Variants in SYTL3 observed in about 807,000 individuals in gnomAD.
SYTL3 encodes synaptotagmin-like protein 3.
Under a neutral mutation model 82.1 loss-of-function variants are expected in SYTL3, and 88 were observed. The observed-to-expected ratio is 1.07, with a 90% CI of 0.90 to 1.28. The LOEUF is 1.28. SYTL3 is among the 50% of genes most tolerant of loss of function. The pLI, the probability that SYTL3 is intolerant of heterozygous loss-of-function variation, is 0.00. For synonymous variants in SYTL3, 311 were observed against 289.4 expected (o/e 1.07, Z -0.76); for missense variants, 831 against 757.6 (o/e 1.10, Z -1.14).
Position 158,663,280 on chromosome 6 carries a change from A to G in SYTL3, c.12A>G (p.Glu4=), listed in dbSNP as rs781779174. 2 of 1,614,158 alleles carry G rather than the reference A, an allele frequency of 1.2e-6. No individual in the cohort carries two copies. Among genetic ancestry groups the G allele is most frequent in the Admixed American group, 1.7e-5 (1 of 60,032 alleles). The change falls in exon 4 of 18, where the codon GAA becomes GAG. Residue 4 remains glutamate (E), a synonymous_variant. Coordinates refer to ENST00000611299, the MANE Select transcript of SYTL3 (RefSeq NM_001242394.2). ...AAAACGGAGAAGAAATGGCCCAAGA[A>G]ATAGATCTGAGTGCTCTCAAGGAGT... MAQ[E]IDLSALKELE...
chr6:158,645,781 G>T (rs976057116), upstream of SYTL3, among the ~76,000 whole-genome samples: 1 of 152,012 alleles, frequency 6.6e-6, no homozygotes, highest in African/African-American at 2.4e-5. Flanking sequence ...CACCCATTCT[G>T]CCCTGCCATA....
intron 6 of SYTL3, among the ~76,000 whole-genome samples, chr6:158,688,906 T>G (rs1779570007): frequency 6.6e-6 from 1 of 152,234 alleles, no homozygotes; most frequent in African/African-American, 2.4e-5. Context: ...GGCTAATATA[T>G]TTACATAATT....
intron 2 of SYTL3, among the ~76,000 whole-genome samples, chr6:158,658,460 C>T (rs933752730): frequency 6.6e-6 from 1 of 152,140 alleles, no homozygotes; most frequent in Non-Finnish European, 1.5e-5. Context: ...GAATGCCCAA[C>T]GCCATCAAGC....
intron 14 of SYTL3, among the ~76,000 whole-genome samples, 172 bp from the exon 15 acceptor site, chr6:158,760,468 G>A (rs1380641085): frequency 6.6e-6 from 1 of 152,114 alleles, no homozygotes; most frequent in Non-Finnish European, 1.5e-5. Context: ...GGGTGGGAGT[G>A]AAACCATAGA....
chr6:158,743,166 A>G (rs1225291455), intron 11 of SYTL3, among the ~76,000 whole-genome samples: 1 of 152,106 alleles, frequency 6.6e-6, no homozygotes, highest in African/African-American at 2.4e-5. Flanking sequence ...TAGTGATTCA[A>G]TGTGCTCCTG....
At chr6:158,715,474 G>T (rs1392593942) in intron 9 of SYTL3, among the ~76,000 whole-genome samples, 1 of 152,092 alleles carries the variant, frequency 6.6e-6, no homozygotes, top group Non-Finnish European at 1.5e-5. Context: ...TTGAGCACTT[G>T]AGGCTAACCA....
At chr6:158,699,046 G>A (rs981556180) in intron 6 of SYTL3, among the ~76,000 whole-genome samples, 1 of 152,228 alleles carries the variant, frequency 6.6e-6, no homozygotes, top group Non-Finnish European at 1.5e-5. Flanking sequence ...CTGTGTGGGT[G>A]TGCATGACCT....
At position 158,764,596 on chromosome 6, in the gene SYTL3, C is replaced by T. The variant is rs774140637; in HGVS notation, c.1825C>T (p.Leu609=). 15 of 1,613,092 alleles carry T rather than the reference C, an allele frequency of 9.3e-6. No individual in the cohort carries two copies. The highest frequency in any genetic ancestry group is 1.3e-5 in the Non-Finnish European group (15 of 1,179,066). The change falls in exon 18 of 18, where the codon CTG becomes TTG. Residue 609 remains leucine, a synonymous_variant. Coordinates refer to ENST00000611299, the MANE Select transcript of SYTL3 (RefSeq NM_001242394.2). ...PNLWTDMTLV[L]H is the part of the protein sequence containing the mutation. Reference sequence around the variant, plus strand: ...TCTATGGACAGACATGACTCTTGTCCTGCACTGACATGAAGGCCTCAAGGT... The same window carrying T: ...TCTATGGACAGACATGACTCTTGTCTTGCACTGACATGAAGGCCTCAAGGT...
chr6:158,758,967 C>T (rs755004254), intron 14 of SYTL3, among the ~76,000 whole-genome samples: 2 of 152,182 alleles, frequency 1.3e-5, no homozygotes, highest in Non-Finnish European at 2.9e-5. Flanking sequence ...CCGTGCCTTC[C>T]TCTCACCCCC....
intron 6 of SYTL3, 126 bp from the exon 7 acceptor site, chr6:158,707,104 G>T (rs1782183294): frequency 1.0e-6 from 1 of 970,410 alleles, no homozygotes; most frequent in East Asian, 2.6e-5. Flanking sequence ...ACCTCAAAAT[G>T]ATCTCTTACT....
intron 2 of SYTL3, among the ~76,000 whole-genome samples, chr6:158,660,745 T>G (rs992496392): frequency 6.6e-6 from 1 of 152,154 alleles, no homozygotes; most frequent in Non-Finnish European, 1.5e-5. Flanking sequence ...AGCAAGTGTT[T>G]GCAGCCAGGT....
chr6:158,676,783 C>T (rs1376926753), intron 5 of SYTL3, among the ~76,000 whole-genome samples: 4 of 152,080 alleles, frequency 2.6e-5, no homozygotes, highest in African/African-American at 9.7e-5. Context: ...GACATTTATG[C>T]GGCCAAAAAA....
intron 6 of SYTL3, among the ~76,000 whole-genome samples, chr6:158,684,381 T>G (rs1979541): frequency 0.27 from 40,387 of 152,208 alleles, 9,460 homozygotes; most frequent in African/African-American, 0.64. Flanking sequence ...GCAATGTATG[T>G]TGTGCCAGTG....
intron 11 of SYTL3, among the ~76,000 whole-genome samples, chr6:158,737,047 A>AAAG (rs1235294837): frequency 4.6e-5 from 7 of 151,616 alleles, no homozygotes; most frequent in African/African-American, 1.7e-4. Context: ...GGCAAAAAAA[A>AAAG]AAAAAACAAC....
At chr6:158,647,374 C>G (rs1787547999), upstream of SYTL3, among the ~76,000 whole-genome samples, 2 of 152,226 alleles carry the variant, frequency 1.3e-5, no homozygotes, top group Admixed American at 1.3e-4. Context: ...ATCTTCACAA[C>G]TATCTGTTCA....
chr6:158,732,293 C>T (rs1226613036), intron 11 of SYTL3, among the ~76,000 whole-genome samples: 1 of 152,172 alleles, frequency 6.6e-6, no homozygotes, highest in Non-Finnish European at 1.5e-5. Context: ...CTCCCAAGCA[C>T]AAGGACAAGA....
intron 5 of SYTL3, among the ~76,000 whole-genome samples, chr6:158,671,884 A>G (rs1204714431): frequency 6.6e-6 from 1 of 152,132 alleles, no homozygotes; most frequent in Non-Finnish European, 1.5e-5. Context: ...ATTTACAACA[A>G]TATTTTAAAC....
chr6:158,669,196 T>C (rs899091110), intron 5 of SYTL3, among the ~76,000 whole-genome samples: 1 of 152,056 alleles, frequency 6.6e-6, no homozygotes, highest in Non-Finnish European at 1.5e-5. Flanking sequence ...AGATTAACCT[T>C]GATGATTTAT....
chr6:158,714,330 C>G lies in SYTL3; in HGVS notation c.595+452C>G, dbSNP rs547355352. On this transcript the variant is annotated intron_variant, in intron 9 of 17. Coordinates refer to ENST00000611299, the MANE Select transcript of SYTL3 (RefSeq NM_001242394.2). ...TCACGCCACTGGACTCCAGCCTGAG[C>G]AACAGAGCAAGACTCCGTCTCAAAA... is the stretch of plus-strand genomic sequence containing the variant. Among the ~76,000 whole-genome samples, 180 of 148,846 alleles carry G rather than the reference C, an allele frequency of 1.2e-3. 1 individual carries two copies. The highest frequency in any genetic ancestry group is 1.3e-3 in the Non-Finnish European group (90 of 67,468).
Sources: gnomAD v4.1 joint callset for allele counts (sites outside exome capture counted in the v4.1 genomes callset) on GRCh38, gnomAD v4.1.1 for gene constraint, MANE v1.5 for transcripts, NCBI Gene and HGNC (gene_info 2026-07-23, HGNC 2026-07-21) for gene names.